ABCD3: variants seen among roughly 807,000 people sequenced by gnomAD.
The protein encoded by ABCD3 is ATP-binding cassette sub-family D member 3.
In ABCD3, 41 loss-of-function variants were observed where a neutral mutation model predicts 105.5. That is an observed-to-expected ratio of 0.39 (90% CI 0.30 to 0.50). ABCD3 has a LOEUF of 0.50. Among genes scored for constraint, ABCD3 ranks in the 20% least tolerant of loss-of-function variants. The pLI is 0.84. For missense variants in ABCD3, 622 were observed against 806.3 expected (o/e 0.77, Z 2.77); for synonymous variants, 258 against 269.0 (o/e 0.96, Z 0.40).
At chr1:94,497,048 C>A (rs551975829) in intron 16 of ABCD3, among the ~76,000 whole-genome samples, 5 of 152,142 alleles carry the variant, frequency 3.3e-5, no homozygotes, top group African/African-American at 1.2e-4. Flanking sequence ...AATCCTAATT[C>A]ACCCCTTCTT....
intron 1 of ABCD3, among the ~76,000 whole-genome samples, chr1:94,446,549 G>A (rs957367712): frequency 2.0e-5 from 3 of 152,184 alleles, no homozygotes; most frequent in Admixed American, 2.0e-4. Context: ...TGCCGTATGT[G>A]GAAATGGGGA....
chr1:94,510,703 G>A (rs1650620107), intron 21 of ABCD3, among the ~76,000 whole-genome samples: 1 of 152,206 alleles, frequency 6.6e-6, no homozygotes, highest in African/African-American at 2.4e-5. Flanking sequence ...ATTTAGGATA[G>A]TTAGCTCTTC....
upstream of ABCD3, among the ~76,000 whole-genome samples, chr1:94,414,529 G>C (rs1170340804): frequency 2.0e-5 from 3 of 151,986 alleles, no homozygotes; most frequent in African/African-American, 7.3e-5. Flanking sequence ...ACTGCCACTA[G>C]CATGATCTTT....
chr1:94,446,589 G>A (rs1342190002), intron 1 of ABCD3, among the ~76,000 whole-genome samples: 2 of 152,168 alleles, frequency 1.3e-5, no homozygotes, highest in Non-Finnish European at 2.9e-5. Context: ...GGATTTGGAA[G>A]CACAAATAGA....
At chr1:94,452,728 TTTTG>T (rs892763842) in intron 1 of ABCD3, among the ~76,000 whole-genome samples, 30 of 152,134 alleles carry the variant, frequency 2.0e-4, no homozygotes, top group African/African-American at 5.1e-4. Context: ...TTTTGTTTTT[TTTTG>T]TTTGTTTGTT....
At chr1:94,406,354 T>C in the ABCD3 span, 1 of 222,934 alleles carries the variant, frequency 4.5e-6, no homozygotes, top group Non-Finnish European at 8.9e-6. Context: ...TTTTTTTTTT[T>C]TTTACAGTCC....
the ABCD3 span, among the ~76,000 whole-genome samples, chr1:94,396,836 A>G: frequency 6.6e-6 from 1 of 152,182 alleles, no homozygotes; most frequent in Non-Finnish European, 1.5e-5. Context: ...AGGGTTATTT[A>G]AAGATATGAA....
intron 21 of ABCD3, among the ~76,000 whole-genome samples, chr1:94,511,740 C>T (rs1650683168): frequency 6.6e-6 from 1 of 151,970 alleles, no homozygotes; most frequent in South Asian, 2.1e-4. Flanking sequence ...ATTTCATTCA[C>T]TTCATCTTCC....
intron 7 of ABCD3, among the ~76,000 whole-genome samples, chr1:94,476,478 C>T (rs377436280): frequency 2.4e-4 from 37 of 152,332 alleles, no homozygotes; most frequent in African/African-American, 8.9e-4. Flanking sequence ...TCAGTTCCCA[C>T]TCTAACTCAT....
chr1:94,505,630 C>T (rs965150467), intron 20 of ABCD3, among the ~76,000 whole-genome samples: 4 of 151,894 alleles, frequency 2.6e-5, no homozygotes, highest in Admixed American at 1.3e-4. Flanking sequence ...TGACAGAATA[C>T]AGGAAAAAGA....
At chr1:94,441,790 G>C (rs1267767150) in intron 1 of ABCD3, among the ~76,000 whole-genome samples, 1 of 152,074 alleles carries the variant, frequency 6.6e-6, no homozygotes. Flanking sequence ...TATGTTATTT[G>C]CTCATTTTGT....
chr1:94,437,338 G>A (rs566214911), intron 1 of ABCD3, among the ~76,000 whole-genome samples: 132 of 152,288 alleles, frequency 8.7e-4, no homozygotes, highest in Non-Finnish European at 1.5e-3. Context: ...AATGCAGCAA[G>A]CAATTTTAAG....
chr1:94,486,389 A>C (rs975844962), intron 10 of ABCD3, among the ~76,000 whole-genome samples: 5 of 152,188 alleles, frequency 3.3e-5, no homozygotes, highest in African/African-American at 1.2e-4. Context: ...TTTCATTAGA[A>C]TGTAAACTCC....
upstream of ABCD3, among the ~76,000 whole-genome samples, chr1:94,416,213 C>A (rs939415448): frequency 1.3e-5 from 2 of 152,180 alleles, no homozygotes; most frequent in East Asian, 1.9e-4. Context: ...TTTTCTAGCA[C>A]TTTATTACTG....
chr1:94,493,250 G>GA (rs1322570461), intron 16 of ABCD3, among the ~76,000 whole-genome samples: 1 of 151,532 alleles, frequency 6.6e-6, no homozygotes, highest in Admixed American at 6.6e-5. Flanking sequence ...AAATTTACAA[G>GA]AAAAAAACAA....
At chr1:94,404,782 A>C in the ABCD3 span, among the ~76,000 whole-genome samples, 3 of 151,972 alleles carry the variant, frequency 2.0e-5, no homozygotes, top group African/African-American at 7.2e-5. Context: ...AGCATCCTTC[A>C]TAAGCTCTTT....
At chr1:94,418,711 C>A (rs910883454) in intron 1 of ABCD3, 123 bp downstream of exon 1, 5 of 979,232 alleles carry the variant, frequency 5.1e-6, no homozygotes, top group African/African-American at 1.6e-5. Flanking sequence ...GAGGGCCGAC[C>A]GCGACTGCCG....
At chr1:94,506,823 C>G (rs1356599023) in intron 21 of ABCD3, among the ~76,000 whole-genome samples, 181 bp downstream of exon 21, 2 of 151,344 alleles carry the variant, frequency 1.3e-5, no homozygotes, top group African/African-American at 4.9e-5. Flanking sequence ...AAATACAGTT[C>G]TGTATATAAT....
At chr1:94,392,970 G>C in the ABCD3 span, among the ~76,000 whole-genome samples, 4 of 151,976 alleles carry the variant, frequency 2.6e-5, no homozygotes, top group African/African-American at 7.3e-5. Context: ...AAATTAGCTG[G>C]TTGTGGTGGC....
Sources: gnomAD v4.1 joint callset for allele counts (sites outside exome capture counted in the v4.1 genomes callset) on GRCh38, gnomAD v4.1.1 for gene constraint, MANE v1.5 for transcripts, NCBI Gene and HGNC (gene_info 2026-07-23, HGNC 2026-07-21) for gene names.